The following SLC22A23 variants were observed in gnomAD, a reference collection of about 807,000 sequenced individuals.
SLC22A23 encodes solute carrier family 22 member 23, also known as ion transporter protein.
Under a neutral mutation model 61.0 loss-of-function variants are expected in SLC22A23, and 26 were observed. That is an observed-to-expected ratio of 0.43 (90% confidence interval 0.31 to 0.59). The LOEUF (loss-of-function observed/expected upper bound fraction) is 0.59, where lower values mean the gene tolerates loss of function less well. Ranked by LOEUF, SLC22A23 falls within the 20% of genes least tolerant of loss-of-function variation. SLC22A23 has a pLI of 0.11. For missense variants in SLC22A23, 796 were observed against 934.7 expected, an observed-to-expected ratio of 0.85 and a Z score of 1.94; for synonymous variants, 430 against 413.9, an observed-to-expected ratio of 1.04 and a Z score of -0.47.
Position 3,287,103 on chromosome 6 carries a change from T to C in SLC22A23, c.1314-12A>G, listed in dbSNP as rs1292599594. 1.2e-6 allele frequency: 2 copies of C among 1,612,822 alleles called. No individual in the cohort carries two copies. Among genetic ancestry groups the C allele is most frequent in the South Asian group, 2.2e-5 (2 of 90,840 alleles). On this transcript the variant is annotated splice_polypyrimidine_tract_variant and intron_variant, in intron 6 of 9. Transcript: ENST00000406686. The stretch of plus-strand genomic sequence containing the variant: ...CGTACCCCGTCAGCCTGTGGAGACA[T>C]ACCGAGCGGCAGTGGGTGGGCTGCC...
chr6:3,381,764 C>T (rs769057838), intron 3 of SLC22A23, among the ~76,000 whole-genome samples: 1 of 152,178 alleles, frequency 6.6e-6, no homozygotes, highest in Non-Finnish European at 1.5e-5. Flanking sequence ...TGGCAGTGCA[C>T]AGTAAAGTCC....
In SLC22A23 at chr6:3,456,112, C is replaced by G. The variant is rs762707895; in HGVS notation, c.448G>C (p.Gly150Arg). 3.3e-4 allele frequency: 507 copies of G among 1,550,670 alleles called. No homozygotes were observed. The highest frequency in any genetic ancestry group is 4.4e-4 in the Non-Finnish European group (499 of 1,146,742). Residue 150 changes from glycine (G) to arginine (R), a missense_variant, in exon 1 of 10, where the codon GGC becomes CGC. By Grantham distance (125) the Gly-to-Arg change is moderately radical. Coordinates refer to ENST00000406686, the MANE Select transcript of SLC22A23 (RefSeq NM_015482.2). This position sits in a 1 kb window ranked among gnomAD's most constrained non-coding sequence, Gnocchi z 7.1. ...GTGGTGGGGAGGCTGGTCCAGTTGC[C>G]CATGTCCCCGCCCCGGCCTGTGGTG... is the stretch of plus-strand genomic sequence containing the variant. ...VTTTGRGGDMGNWTSLPTTPF... is the reference protein window; with the variant it reads ...VTTTGRGGDMRNWTSLPTTPF...
chr6:3,288,477 G>A (rs1405414456), intron 6 of SLC22A23, among the ~76,000 whole-genome samples: 1 of 152,172 alleles, frequency 6.6e-6, no homozygotes, highest in Non-Finnish European at 1.5e-5. Context: ...AACTGATTTG[G>A]TTCAGTTAGC....
intron 3 of SLC22A23, among the ~76,000 whole-genome samples, chr6:3,363,823 C>T (rs1269385411): frequency 2.0e-5 from 3 of 152,364 alleles, no homozygotes; most frequent in Admixed American, 6.5e-5. Context: ...AGTGCCCCTG[C>T]CCCCATCCTG....
Position 3,441,712 on chromosome 6 carries a change from C to T in SLC22A23, c.654+14194G>A, listed in dbSNP as rs118036600. Among the ~76,000 whole-genome samples, 92 of 152,308 alleles carry T rather than the reference C, an allele frequency of 6.0e-4. 2 individuals are homozygous for T. The East Asian group carries it at 0.014, about 23-fold the overall frequency. On this transcript the variant is annotated intron_variant, in intron 1 of 9. Coordinates refer to ENST00000406686, the MANE Select transcript of SLC22A23 (RefSeq NM_015482.2). ...TCCTGGGATGTGCTCGGTTCACCCC[C>T]CACCCTCAGCTCCCATTCCCTGCCC...
At chr6:3,321,393 C>A (rs180701912) in intron 4 of SLC22A23, among the ~76,000 whole-genome samples, 1 of 151,076 alleles carries the variant, frequency 6.6e-6, no homozygotes, top group African/African-American at 2.4e-5. Context: ...CATGCACACA[C>A]GTACACATAC....
Position 3,387,136 on chromosome 6 carries a change from T to G in SLC22A23, c.913+23052A>C, listed in dbSNP as rs969497816. On this transcript the variant is annotated intron_variant, in intron 3 of 9. Transcript: ENST00000406686. This position sits in a 1 kb window ranked among gnomAD's most constrained non-coding sequence, Gnocchi z 5.0. ...TCTGCCCTTCATAGCTGTGAGTCCC[T>G]TTGCTGAAGAAATAAAGTGACTCAC... Among the ~76,000 whole-genome samples the G allele has an allele frequency of 1.3e-5, 2 of 152,210 alleles. No individual in the cohort carries two copies. Among genetic ancestry groups the G allele is most frequent in the African/African-American group, 4.8e-5 (2 of 41,456 alleles).
At position 3,324,052 on chromosome 6, in the gene SLC22A23, C is replaced by T. The variant is rs764163462; in HGVS notation, c.914-50G>A. The T allele has an allele frequency of 4.4e-6, 7 of 1,594,720 alleles. No individual in the cohort carries two copies. Among genetic ancestry groups the T allele is most frequent in the East Asian group, 4.5e-5 (2 of 44,518 alleles). ...GAGATGAGTGCCCTGCTCGACAGCCCGAGAAGTCCTGGGTGCACCTGGGCC... is the reference window on the plus strand; with the variant it reads ...GAGATGAGTGCCCTGCTCGACAGCCTGAGAAGTCCTGGGTGCACCTGGGCC... On this transcript the variant is annotated intron_variant, in intron 3 of 9. Transcript: ENST00000406686. This position sits in a 1 kb window ranked among gnomAD's most constrained non-coding sequence, Gnocchi z 4.3.
At chr6:3,282,784 G>A (rs1246704447) in intron 9 of SLC22A23, among the ~76,000 whole-genome samples, 1 of 152,234 alleles carries the variant, frequency 6.6e-6, no homozygotes, top group Non-Finnish European at 1.5e-5. Context: ...CTGCAGCTGA[G>A]TGATGCCCTT....
chr6:3,319,352 G>A (rs1762817175), intron 4 of SLC22A23, among the ~76,000 whole-genome samples: 1 of 152,158 alleles, frequency 6.6e-6, no homozygotes, highest in Non-Finnish European at 1.5e-5. Context: ...AGAAGTTTGT[G>A]TGACTTCCTC....
At chr6:3,376,892 A>G (rs1162484254) in intron 3 of SLC22A23, among the ~76,000 whole-genome samples, 1 of 152,088 alleles carries the variant, frequency 6.6e-6, no homozygotes, top group East Asian at 1.9e-4. Flanking sequence ...GTCCCTGAGA[A>G]ACAGATAGAA....
intron 9 of SLC22A23, 90 bp downstream of exon 9, chr6:3,283,762 C>T (rs1441497906): frequency 2.7e-5 from 43 of 1,581,674 alleles, no homozygotes; most frequent in Non-Finnish European, 2.8e-5. Context: ...ACAGAGCTGA[C>T]GCTGGTTAAT....
chr6:3,373,788 C>G (rs958733686), intron 3 of SLC22A23, among the ~76,000 whole-genome samples: 2 of 152,118 alleles, frequency 1.3e-5, no homozygotes, highest in African/African-American at 4.8e-5. Flanking sequence ...ACACTGTGAT[C>G]GCTGCCCTTC....
At chr6:3,378,484 TTCCTC>T (rs1766727821) in intron 3 of SLC22A23, among the ~76,000 whole-genome samples, 1 of 152,180 alleles carries the variant, frequency 6.6e-6, no homozygotes. Context: ...AAGCCATCAC[TTCCTC>T]TCCTATTTTA....
intron 5 of SLC22A23, among the ~76,000 whole-genome samples, chr6:3,293,936 T>C (rs1760845531): frequency 6.6e-6 from 1 of 152,190 alleles, no homozygotes; most frequent in East Asian, 1.9e-4. Context: ...CTGGCAATGC[T>C]GGGCAGGTTG....
intron 8 of SLC22A23, chr6:3,284,797 G>A (rs761905402): frequency 2.9e-5 from 31 of 1,070,698 alleles, no homozygotes; most frequent in South Asian, 7.3e-5. Context: ...TGTTGGCGCC[G>A]GGCCAGGGCC....
intron 3 of SLC22A23, among the ~76,000 whole-genome samples, chr6:3,335,709 T>C (rs143701696): frequency 1.6e-4 from 24 of 152,274 alleles, no homozygotes; most frequent in Middle Eastern, 3.4e-3. Context: ...GTTCTATAGA[T>C]TGGTGCCATT....
chr6:3,393,197 G>A (rs956927451), intron 3 of SLC22A23, among the ~76,000 whole-genome samples: 5 of 152,176 alleles, frequency 3.3e-5, no homozygotes, highest in Non-Finnish European at 2.9e-5. Context: ...CGGGGGTGAC[G>A]AAAGCCTCAG....
chr6:3,286,750 G>T lies in SLC22A23; in HGVS notation c.1546+109C>A. 1 of 968,410 alleles carries T rather than the reference G, an allele frequency of 1.0e-6. No homozygotes were observed. The highest frequency in any genetic ancestry group is 1.6e-6 in the Non-Finnish European group (1 of 644,720). 60.0% of individuals were successfully genotyped at this position (968,410 alleles called of 1,614,324 possible). On this transcript the variant is annotated intron_variant, in intron 7 of 9. Coordinates refer to ENST00000406686, the MANE Select transcript of SLC22A23 (RefSeq NM_015482.2). This position sits in a 1 kb window ranked among gnomAD's most constrained non-coding sequence, Gnocchi z 4.2. The stretch of plus-strand genomic sequence containing the variant: ...GTTCTCCCCAAAGCAGCTCCTTCCA[G>T]CAGTAGATTTTAGAGTGGCCAGCGG...
Sources: allele counts gnomAD v4.1 joint callset (sites outside exome capture counted in the v4.1 genomes callset), GRCh38; gene constraint gnomAD v4.1.1; non-coding constraint Gnocchi (gnomAD v3.1); transcripts MANE v1.5; gene names NCBI Gene and HGNC (gene_info 2026-07-23, HGNC 2026-07-21).